Variants in CRB1 observed in about 807,000 individuals in gnomAD.
The protein encoded by CRB1 is crumbs cell polarity complex component 1, also known as protein crumbs homolog 1.
In CRB1, 83 loss-of-function variants were observed where a neutral mutation model predicts 120.0. The ratio of observed to expected loss-of-function variants is 0.69; its 90% CI spans 0.58 to 0.83. The LOEUF (loss-of-function observed/expected upper bound fraction) is 0.83. CRB1 is among the 40% of genes least tolerant of loss of function. CRB1 has a pLI of 0.00. For synonymous variants in CRB1, 625 were observed against 612.5 expected (o/e 1.02, Z -0.30); for missense variants, 1,699 against 1,687.6 (o/e 1.01, Z -0.12).
At chr1:197,301,776 G>A (rs10218820) in intron 1 of CRB1, among the ~76,000 whole-genome samples, 12 of 152,120 alleles carry the variant, frequency 7.9e-5, no homozygotes, top group African/African-American at 2.2e-4. Context: ...AAGTAACTGC[G>A]GATGTGGTGG....
chr1:197,316,924 A>AC (rs1657885442), intron 1 of CRB1, among the ~76,000 whole-genome samples: 1 of 149,658 alleles, frequency 6.7e-6, no homozygotes, highest in South Asian at 2.1e-4. Flanking sequence ...AAAAAAAAAC[A>AC]AAAAAAAACC....
chr1:197,408,539 T>C (rs1489141514), intron 5 of CRB1, among the ~76,000 whole-genome samples: 1 of 152,132 alleles, frequency 6.6e-6, no homozygotes, highest in Non-Finnish European at 1.5e-5. Flanking sequence ...CTGTACAAAA[T>C]TAAAGTATTA....
At chr1:197,213,466 A>G in the CRB1 span, among the ~76,000 whole-genome samples, 9 of 152,310 alleles carry the variant, frequency 5.9e-5, no homozygotes, top group African/African-American at 1.9e-4. Context: ...AGACAGAAAC[A>G]TAAAAATTAA....
chr1:197,407,970 C>T (rs1221916909), intron 5 of CRB1, among the ~76,000 whole-genome samples: 1 of 152,132 alleles, frequency 6.6e-6, no homozygotes, highest in Non-Finnish European at 1.5e-5. Flanking sequence ...AATGCATGTT[C>T]ATTTTGATTA....
intron 11 of CRB1, among the ~76,000 whole-genome samples, chr1:197,466,472 G>A (rs1008512949): frequency 1.3e-5 from 2 of 152,110 alleles, no homozygotes; most frequent in African/African-American, 2.4e-5. Flanking sequence ...ATAATTTTCT[G>A]ATAAATTGGC....
At chr1:197,373,014 C>G (rs932579946) in intron 5 of CRB1, among the ~76,000 whole-genome samples, 1 of 152,114 alleles carries the variant, frequency 6.6e-6, no homozygotes, top group Admixed American at 6.6e-5. Flanking sequence ...CTAAGTGCCT[C>G]TCTCCCCTGA....
At chr1:197,377,113 T>C (rs1282172098) in intron 5 of CRB1, among the ~76,000 whole-genome samples, 1 of 152,124 alleles carries the variant, frequency 6.6e-6, no homozygotes, top group African/African-American at 2.4e-5. Flanking sequence ...CACCTCTCTC[T>C]GCACCCCAAC....
intron 9 of CRB1, chr1:197,438,144 C>T (rs1665250233): frequency 4.0e-6 from 1 of 248,944 alleles, no homozygotes; most frequent in African/African-American, 2.3e-5. Flanking sequence ...CACATGAGTG[C>T]TTGGGTAGTA....
At chr1:197,393,860 A>G (rs1425660262) in intron 5 of CRB1, among the ~76,000 whole-genome samples, 3 of 152,122 alleles carry the variant, frequency 2.0e-5, no homozygotes, top group Non-Finnish European at 4.4e-5. Context: ...AAAACAGAAT[A>G]AAGTTAAGTG....
At chr1:197,276,938 T>G (rs1655241135) in intron 1 of CRB1, among the ~76,000 whole-genome samples, 1 of 151,910 alleles carries the variant, frequency 6.6e-6, no homozygotes, top group African/African-American at 2.4e-5. Flanking sequence ...TGTCAGATTC[T>G]AAACCTCCCA....
intron 1 of CRB1, among the ~76,000 whole-genome samples, chr1:197,311,597 T>A (rs1374417240): frequency 6.6e-6 from 1 of 152,158 alleles, no homozygotes; most frequent in African/African-American, 2.4e-5. Context: ...GATAATATTG[T>A]ACACATTTAA....
chr1:197,337,098 T>G (rs1382998885), intron 2 of CRB1, among the ~76,000 whole-genome samples: 1 of 152,162 alleles, frequency 6.6e-6, no homozygotes, highest in Non-Finnish European at 1.5e-5. Flanking sequence ...GTGAGGCTTT[T>G]GGGAGGTAAT....
intron 1 of CRB1, among the ~76,000 whole-genome samples, chr1:197,278,410 C>G (rs1322131271): frequency 6.6e-6 from 1 of 151,968 alleles, no homozygotes; most frequent in Non-Finnish European, 1.5e-5. Flanking sequence ...TTTATAAAGC[C>G]ACTTAGTCTA....
At chr1:197,271,984 G>A (rs951297316) in intron 1 of CRB1, among the ~76,000 whole-genome samples, 1 of 152,094 alleles carries the variant, frequency 6.6e-6, no homozygotes, top group African/African-American at 2.4e-5. Flanking sequence ...AAAGAGTTTG[G>A]GGTAGCATCC....
At chr1:197,406,096 CG>C (rs1663376966) in intron 5 of CRB1, among the ~76,000 whole-genome samples, 1 of 152,136 alleles carries the variant, frequency 6.6e-6, no homozygotes, top group South Asian at 2.1e-4. Flanking sequence ...TCATTGAGAA[CG>C]GGCCATGATG....
intron 7 of CRB1, chr1:197,428,993 G>C (rs1036152430): frequency 5.2e-6 from 8 of 1,530,404 alleles, no homozygotes; most frequent in Non-Finnish European, 6.1e-6. Flanking sequence ...AATGTGGGAA[G>C]GGCACTCACT....
the CRB1 span, among the ~76,000 whole-genome samples, chr1:197,227,423 C>T: frequency 6.9e-6 from 1 of 144,550 alleles, no homozygotes; most frequent in Non-Finnish European, 1.5e-5. Context: ...GATGGAGTCT[C>T]GCTCATCGCC....
chr1:197,437,291 T>C (rs548902162), intron 9 of CRB1, among the ~76,000 whole-genome samples: 23 of 152,246 alleles, frequency 1.5e-4, no homozygotes, highest in African/African-American at 5.5e-4. Flanking sequence ...CCTTAACAGT[T>C]ACTGTTCTGA....
intron 1 of CRB1, among the ~76,000 whole-genome samples, chr1:197,302,015 C>A (rs917674145): frequency 2.8e-4 from 43 of 152,110 alleles, no homozygotes; most frequent in African/African-American, 1.0e-3. Flanking sequence ...AGAGGATTGA[C>A]TCCAATTTTG....
Sources: allele counts gnomAD v4.1 joint callset (sites outside exome capture counted in the v4.1 genomes callset), GRCh38; gene constraint gnomAD v4.1.1; transcripts MANE v1.5; gene names NCBI Gene and HGNC (gene_info 2026-07-23, HGNC 2026-07-21).